ELP3: variants seen among roughly 807,000 people sequenced by gnomAD.
ELP3 encodes elongator complex protein 3.
ELP3 carries 56 observed loss-of-function variants against 74.9 expected under a neutral mutation model. That is an observed-to-expected ratio of 0.75 (90% CI 0.60 to 0.93). ELP3 has a LOEUF of 0.93. ELP3 is among the 40% of genes least tolerant of loss of function. ELP3 has a pLI of 0.00. For missense variants in ELP3, 573 were observed against 686.5 expected (o/e 0.83, Z 1.85); for synonymous variants, 222 against 239.8 (o/e 0.93, Z 0.68).
At chr8:28,129,292 TAA>T (rs759972807) in intron 7 of ELP3, 12 of 534,296 alleles carry the variant, frequency 2.2e-5, no homozygotes, top group Non-Finnish European at 4.0e-5. Context: ...ATTTTGCAGT[TAA>T]AGGAACCGAA....
At chr8:28,183,415 G>A (rs1247040266) in intron 14 of ELP3, among the ~76,000 whole-genome samples, 1 of 152,124 alleles carries the variant, frequency 6.6e-6, no homozygotes, top group African/African-American at 2.4e-5. Flanking sequence ...CCAGTGTTTG[G>A]ACTCCCCCAA....
In ELP3 at chr8:28,190,189, T is replaced by TA. The variant is rs1815405261; in HGVS notation, c.*465dup. ...CTCTAATCTCAGCCCTTTAACGACATACGCATTGGAGCGCAAGTTAGGAAA... is the reference window on the plus strand; with the variant it reads ...CTCTAATCTCAGCCCTTTAACGACATAACGCATTGGAGCGCAAGTTAGGAAA... On this transcript the variant is annotated 3_prime_UTR_variant, in exon 15 of 15. Coordinates refer to ENST00000256398, the MANE Select transcript of ELP3 (RefSeq NM_018091.6). 1 of 154,706 alleles carries TA rather than the reference T, an allele frequency of 6.5e-6. No homozygotes were observed. Among genetic ancestry groups the TA allele is most frequent in the African/African-American group, 2.4e-5 (1 of 41,466 alleles). 9.6% of individuals were successfully genotyped at this position (154,706 alleles called of 1,614,324 possible).
intron 7 of ELP3, among the ~76,000 whole-genome samples, chr8:28,115,946 G>A (rs1456554674): frequency 2.6e-5 from 4 of 152,182 alleles, no homozygotes; most frequent in Non-Finnish European, 5.9e-5. Context: ...TGTTCAAATA[G>A]TGCCACCTCT....
intron 3 of ELP3, among the ~76,000 whole-genome samples, 174 bp from the exon 4 acceptor site, chr8:28,106,539 C>CAAAAAA (rs61714722): frequency 5.3e-5 from 6 of 112,734 alleles, no homozygotes; most frequent in Non-Finnish European, 1.0e-4. Context: ...GACTCCGTCT[C>CAAAAAA]AAAAAAAAAA....
chr8:28,101,463 A>G (rs940181509), intron 3 of ELP3, among the ~76,000 whole-genome samples: 6 of 152,046 alleles, frequency 3.9e-5, no homozygotes, highest in Admixed American at 6.6e-5. Context: ...CTAATAGTCC[A>G]TGCCCCTCAC....
intron 10 of ELP3, among the ~76,000 whole-genome samples, chr8:28,144,305 C>G (rs958594413): frequency 4.6e-5 from 7 of 152,184 alleles, no homozygotes; most frequent in African/African-American, 1.7e-4. Flanking sequence ...AGCTTCATAT[C>G]TCTATTTAAA....
chr8:28,122,493 A>G (rs2130434510), intron 7 of ELP3, among the ~76,000 whole-genome samples: 1 of 152,316 alleles, frequency 6.6e-6, no homozygotes, highest in East Asian at 1.9e-4. Context: ...AGAGCTATTC[A>G]TATTTTCTGT....
chr8:28,143,728 C>T (rs1456082231), intron 10 of ELP3, among the ~76,000 whole-genome samples: 1 of 152,166 alleles, frequency 6.6e-6, no homozygotes, highest in Non-Finnish European at 1.5e-5. Flanking sequence ...TACAGCTAAA[C>T]TTCATAGAAC....
chr8:28,139,053 A>G (rs533596318), intron 10 of ELP3, among the ~76,000 whole-genome samples: 30 of 152,270 alleles, frequency 2.0e-4, no homozygotes, highest in African/African-American at 6.5e-4. Flanking sequence ...CAGGGTCCAG[A>G]GCAGGGTGAG....
intron 14 of ELP3, among the ~76,000 whole-genome samples, chr8:28,171,687 G>A (rs1344308511): frequency 2.0e-5 from 3 of 152,048 alleles, no homozygotes; most frequent in African/African-American, 7.2e-5. Flanking sequence ...TCTGTCTTTT[G>A]TTATTTGTGT....
At chr8:28,106,921 G>A in intron 4 of ELP3, 138 bp downstream of exon 4, 3 of 626,972 alleles carry the variant, frequency 4.8e-6, no homozygotes, top group Non-Finnish European at 8.1e-6. Flanking sequence ...TTTCAAACAA[G>A]CAACCATTGG....
At chr8:28,178,244 G>C (rs73564362) in intron 14 of ELP3, among the ~76,000 whole-genome samples, 10,958 of 152,144 alleles carry the variant, frequency 0.072, 792 homozygotes, top group East Asian at 0.33. Flanking sequence ...TATTGCATTG[G>C]GGATTAAGTT....
In ELP3 at chr8:28,155,838, G is replaced by T; in HGVS notation, c.1101-104G>T. 4.5e-6 allele frequency: 4 copies of T among 890,214 alleles called. No homozygotes were observed. In the Admixed American group the frequency reaches 7.5e-5, roughly 17 times the overall value. The allele number at this position is 890,214 out of a possible 1,614,324, so 55.1% of individuals were successfully genotyped here. On this transcript the variant is annotated intron_variant, in intron 10 of 14. Coordinates refer to ENST00000256398, the MANE Select transcript of ELP3 (RefSeq NM_018091.6). Reference sequence around the variant, plus strand: ...TCCTGGTCAGCTTCATAGGTTTTTTGCTTTTTTATTTTTGTTCTTTTTAAC... The same window carrying T: ...TCCTGGTCAGCTTCATAGGTTTTTTTCTTTTTTATTTTTGTTCTTTTTAAC...
intron 1 of ELP3, among the ~76,000 whole-genome samples, chr8:28,093,967 A>C (rs745941931): frequency 7.9e-5 from 12 of 152,252 alleles, no homozygotes; most frequent in Non-Finnish European, 1.6e-4. Flanking sequence ...ATACTTAGAT[A>C]TGGAGCTGGC....
chr8:28,158,498 A>C, intron 11 of ELP3, 70 bp from the exon 12 acceptor site: 1 of 1,044,328 alleles, frequency 9.6e-7, no homozygotes, highest in Non-Finnish European at 1.5e-6. Context: ...TAAAGATTGA[A>C]TTGGTTACCA....
intron 7 of ELP3, among the ~76,000 whole-genome samples, chr8:28,124,658 T>C (rs141453486): frequency 6.9e-4 from 105 of 152,276 alleles, no homozygotes; most frequent in Non-Finnish European, 1.3e-3. Context: ...GCTGGTTCTT[T>C]AGCTACACGA....
chr8:28,158,500 T>G, intron 11 of ELP3, 68 bp from the exon 12 acceptor site: 2 of 1,052,850 alleles, frequency 1.9e-6, no homozygotes, highest in Non-Finnish European at 3.0e-6. Context: ...AAGATTGAAT[T>G]GGTTACCAGT....
At chr8:28,155,747 A>G (rs1337031532) in intron 10 of ELP3, among the ~76,000 whole-genome samples, 195 bp from the exon 11 acceptor site, 2 of 152,262 alleles carry the variant, frequency 1.3e-5, no homozygotes, top group Non-Finnish European at 1.5e-5. Context: ...AGGGGAAATC[A>G]TAATTTCCTT....
chr8:28,145,459 GAAATCATTGTAAAGGA>G (rs1032440997), intron 10 of ELP3, among the ~76,000 whole-genome samples: 12 of 152,268 alleles, frequency 7.9e-5, no homozygotes, highest in African/African-American at 2.2e-4. Context: ...ATTTTTGTTT[GAAATCATTGTAAAGGA>G]AAATCATTTG....
Sources: allele counts gnomAD v4.1 joint callset (sites outside exome capture counted in the v4.1 genomes callset), GRCh38; gene constraint gnomAD v4.1.1; transcripts MANE v1.5; gene names NCBI Gene and HGNC (gene_info 2026-07-23, HGNC 2026-07-21).